The following SRGAP1 variants were observed in gnomAD, a reference collection of about 807,000 sequenced individuals.
SRGAP1 encodes the protein SLIT-ROBO Rho GTPase activating protein 1, also known as SLIT-ROBO Rho GTPase-activating protein 1.
SRGAP1 carries 43 observed loss-of-function variants against 121.9 expected under a neutral mutation model. That is an observed-to-expected ratio of 0.35 (90% confidence interval 0.28 to 0.46). The LOEUF (loss-of-function observed/expected upper bound fraction) is 0.46. Ranked by LOEUF, SRGAP1 falls within the 20% of genes least tolerant of loss-of-function variation. The pLI is 1.00. For synonymous variants in SRGAP1, 447 were observed against 485.4 expected (o/e 0.92, Z 1.04); for missense variants, 1,102 against 1,350.9 (o/e 0.82, Z 2.89).
In SRGAP1 at chr12:64,029,386, C is replaced by T. The variant is rs139461231; in HGVS notation, c.489+12374C>T. Reference sequence around the variant, plus strand: ...AATGGCTGGGGATGGGTTCTTTCTACGAATATGTAAGTCCTGAGCATGGCC... The same window carrying T: ...AATGGCTGGGGATGGGTTCTTTCTATGAATATGTAAGTCCTGAGCATGGCC... On this transcript the variant is annotated intron_variant, in intron 4 of 21. Transcript: ENST00000355086. 2.8e-4 allele frequency among the ~76,000 whole-genome samples: 42 copies of T among 152,228 alleles called. 1 individual carries two copies. The highest frequency in any genetic ancestry group is 8.7e-4 in the African/African-American group (36 of 41,546).
intron 4 of SRGAP1, among the ~76,000 whole-genome samples, chr12:64,018,098 T>C (rs2034452850): frequency 6.6e-6 from 1 of 152,132 alleles, no homozygotes; most frequent in Admixed American, 6.5e-5. Context: ...ATTTTGTTTG[T>C]TGGTTTGTTT....
chr12:64,063,674 A>C (rs2035489494), intron 7 of SRGAP1, among the ~76,000 whole-genome samples: 1 of 152,154 alleles, frequency 6.6e-6, no homozygotes, highest in Admixed American at 6.5e-5. Context: ...AATGCATTTA[A>C]ACTGATTATG....
intron 2 of SRGAP1, among the ~76,000 whole-genome samples, chr12:63,986,653 C>T (rs1382249334): frequency 6.6e-6 from 1 of 152,140 alleles, no homozygotes; most frequent in Non-Finnish European, 1.5e-5. Context: ...GAACTCCTGA[C>T]CTCAAGTGAT....
chr12:64,137,154 C>T (rs1276898326), intron 21 of SRGAP1, among the ~76,000 whole-genome samples: 1 of 151,938 alleles, frequency 6.6e-6, no homozygotes, highest in Non-Finnish European at 1.5e-5. Flanking sequence ...ATCTGAGTTA[C>T]TCGGGTGGCT....
At chr12:63,902,221 T>G (rs1211545537) in intron 1 of SRGAP1, among the ~76,000 whole-genome samples, 1 of 152,058 alleles carries the variant, frequency 6.6e-6, no homozygotes. Flanking sequence ...CCTTCCCCAT[T>G]CCAATGAACT....
At chr12:63,909,978 T>G (rs2030415542) in intron 1 of SRGAP1, among the ~76,000 whole-genome samples, 1 of 152,248 alleles carries the variant, frequency 6.6e-6, no homozygotes, top group South Asian at 2.1e-4. Context: ...TTATAGATGT[T>G]AACCACATGT....
intron 3 of SRGAP1, 69 bp downstream of exon 3, chr12:63,990,141 C>A: frequency 1.6e-6 from 2 of 1,270,002 alleles, no homozygotes; most frequent in East Asian, 2.4e-5. Flanking sequence ...GGACTGAGAA[C>A]GGTATCTGAA....
chr12:63,980,203 C>T (rs11175222), intron 1 of SRGAP1, among the ~76,000 whole-genome samples: 2,141 of 152,286 alleles, frequency 0.014, 67 homozygotes, highest in African/African-American at 0.048. Context: ...CAGGCATGCA[C>T]CACCACAACC....
Position 63,987,229 on chromosome 12 carries a change from A to C in SRGAP1, c.264-2681A>C, listed in dbSNP as rs562628899. Among the ~76,000 whole-genome samples the C allele has an allele frequency of 5.3e-5, 8 of 152,306 alleles. No individual in the cohort carries two copies. In the East Asian group the frequency reaches 1.4e-3, roughly 26 times the overall value. On this transcript the variant is annotated intron_variant, in intron 2 of 21. Coordinates refer to ENST00000355086, the MANE Select transcript of SRGAP1 (RefSeq NM_020762.4). ...GATATCATTACCAATCATTTAAGCTATATTCTGGAGTCTGGTTCTTACTCA... is the reference window on the plus strand; with the variant it reads ...GATATCATTACCAATCATTTAAGCTCTATTCTGGAGTCTGGTTCTTACTCA...
chr12:64,091,718 T>C (rs1031355201), intron 12 of SRGAP1, among the ~76,000 whole-genome samples: 1 of 152,200 alleles, frequency 6.6e-6, no homozygotes, highest in Non-Finnish European at 1.5e-5. Flanking sequence ...CACAAAATAT[T>C]CTTTAAAGTC....
At chr12:63,899,421 A>G (rs902752762) in intron 1 of SRGAP1, among the ~76,000 whole-genome samples, 11 of 152,214 alleles carry the variant, frequency 7.2e-5, no homozygotes, top group African/African-American at 2.7e-4. Flanking sequence ...CCTTAGACCA[A>G]TTAAATTTAA....
chr12:63,933,621 G>A (rs528633618), intron 1 of SRGAP1, among the ~76,000 whole-genome samples: 1 of 152,306 alleles, frequency 6.6e-6, no homozygotes, highest in African/African-American at 2.4e-5. Flanking sequence ...AAGATGGTAA[G>A]TATCTTGCTA....
At chr12:63,908,982 C>G (rs1386191935) in intron 1 of SRGAP1, among the ~76,000 whole-genome samples, 4 of 152,200 alleles carry the variant, frequency 2.6e-5, no homozygotes, top group African/African-American at 9.6e-5. Context: ...CCTCTGCCTC[C>G]TGGGTTCAAG....
At chr12:63,933,942 A>G (rs1174129648) in intron 1 of SRGAP1, among the ~76,000 whole-genome samples, 3 of 152,218 alleles carry the variant, frequency 2.0e-5, no homozygotes, top group Non-Finnish European at 4.4e-5. Context: ...CAAGCCACTT[A>G]CTATAAATAT....
At chr12:64,030,793 T>C in intron 4 of SRGAP1, among the ~76,000 whole-genome samples, 1 of 152,174 alleles carries the variant, frequency 6.6e-6, no homozygotes, top group East Asian at 1.9e-4. Flanking sequence ...CTGTATAAGG[T>C]TCATCAATTT....
At chr12:63,933,904 G>C (rs1363238054) in intron 1 of SRGAP1, among the ~76,000 whole-genome samples, 1 of 152,070 alleles carries the variant, frequency 6.6e-6, no homozygotes, top group Non-Finnish European at 1.5e-5. Flanking sequence ...TGAAATCAGC[G>C]ATGTCACAAC....
rs1012592060 is a variant in SRGAP1 at position 63,844,759 on chromosome 12, G to A, written c.-58G>A. 29 of 1,554,014 alleles carry A rather than the reference G, an allele frequency of 1.9e-5. No individual in the cohort carries two copies. The African/African-American group carries it at 3.4e-4, about 18-fold the overall frequency. ...ACAACTCTGCCTCTCCAAGGAGAAC[G>A]GGTTGTGACCACTGAACAAAACTTG... On this transcript the variant is annotated 5_prime_UTR_variant, in exon 1 of 22. Transcript: ENST00000355086. The surrounding 1 kb of genome is among the most constrained non-coding windows in gnomAD (Gnocchi z 4.3).
intron 1 of SRGAP1, among the ~76,000 whole-genome samples, chr12:63,859,451 A>G (rs1899370881): frequency 6.6e-6 from 1 of 151,848 alleles, no homozygotes; most frequent in African/African-American, 2.4e-5. Flanking sequence ...ACAGGTGTGA[A>G]CCTCTGCACC....
At chr12:64,142,235 C>G (rs1337069696) in intron 21 of SRGAP1, 60 bp from the exon 22 acceptor site, 1 of 1,551,830 alleles carries the variant, frequency 6.4e-7, no homozygotes, top group Non-Finnish European at 8.7e-7. Context: ...GTCTGGGTTT[C>G]TATACATTAG....
Sources: gnomAD v4.1 joint callset for allele counts (sites outside exome capture counted in the v4.1 genomes callset) on GRCh38, gnomAD v4.1.1 for gene constraint, Gnocchi (gnomAD v3.1) non-coding constraint, MANE v1.5 for transcripts, NCBI Gene and HGNC (gene_info 2026-07-23, HGNC 2026-07-21) for gene names.